PARVA: variants seen among roughly 807,000 people sequenced by gnomAD.
PARVA encodes the protein parvin alpha, also known as alpha-parvin.
In PARVA, 25 loss-of-function variants were observed where a neutral mutation model predicts 52.6. The observed-to-expected ratio is 0.48, with a 90% CI of 0.35 to 0.66. The LOEUF (loss-of-function observed/expected upper bound fraction) is 0.66. PARVA is among the 30% of genes least tolerant of loss of function. The pLI is 0.01. For synonymous variants in PARVA, 185 were observed against 179.1 expected (o/e 1.03, Z -0.26); for missense variants, 373 against 450.9 (o/e 0.83, Z 1.56).
At chr11:12,393,834 C>G (rs537659494) in intron 1 of PARVA, among the ~76,000 whole-genome samples, 3 of 152,280 alleles carry the variant, frequency 2.0e-5, no homozygotes, top group African/African-American at 7.2e-5. Flanking sequence ...CAGTCTGGCT[C>G]CAGAAGCTTG....
chr11:12,505,589 G>T (rs1340744728), intron 6 of PARVA, among the ~76,000 whole-genome samples: 1 of 152,208 alleles, frequency 6.6e-6, no homozygotes, highest in Non-Finnish European at 1.5e-5. Flanking sequence ...AAGAAGCAGA[G>T]AGGGCTCATA....
At position 12,532,116 on chromosome 11, in the gene PARVA, T is replaced by A. The variant is rs2135098809; in HGVS notation, c.*4191T>A. Among the ~76,000 whole-genome samples the A allele has an allele frequency of 6.6e-6, 1 of 152,348 alleles. No homozygotes were observed. Among genetic ancestry groups the A allele is most frequent in the East Asian group, 1.9e-4 (1 of 5,190 alleles). On this transcript the variant is annotated 3_prime_UTR_variant, in exon 13 of 13. Transcript: ENST00000334956. ...GAACGTGTGCATGCGTGTTCACGTGTTCATGACAACAGCAATGCAGCCATG... is the reference window on the plus strand; with the variant it reads ...GAACGTGTGCATGCGTGTTCACGTGATCATGACAACAGCAATGCAGCCATG...
intron 1 of PARVA, among the ~76,000 whole-genome samples, chr11:12,455,488 T>A (rs993025381): frequency 6.6e-6 from 1 of 152,172 alleles, no homozygotes; most frequent in African/African-American, 2.4e-5. Flanking sequence ...TTTTGATGTG[T>A]TTTGGTCCAT....
intron 10 of PARVA, among the ~76,000 whole-genome samples, chr11:12,516,980 A>T (rs957259615): frequency 4.6e-5 from 7 of 152,078 alleles, no homozygotes; most frequent in Non-Finnish European, 8.8e-5. Context: ...GAGAGATGGG[A>T]GAAAGAATGC....
At chr11:12,452,875 C>T (rs974152119) in intron 1 of PARVA, 9 of 363,980 alleles carry the variant, frequency 2.5e-5, no homozygotes, top group African/African-American at 1.3e-4. Context: ...GCATTCTCTT[C>T]GGGAAGCATT....
At position 12,532,296 on chromosome 11, in the gene PARVA, T is replaced by G. The variant is rs1321022377; in HGVS notation, c.*4371T>G. 6.6e-6 allele frequency among the ~76,000 whole-genome samples: 1 copy of G among 152,218 alleles called. No individual in the cohort carries two copies. Among genetic ancestry groups the G allele is most frequent in the Admixed American group, 6.5e-5 (1 of 15,280 alleles). On this transcript the variant is annotated 3_prime_UTR_variant, in exon 13 of 13. Coordinates refer to ENST00000334956, the MANE Select transcript of PARVA (RefSeq NM_018222.5). ...CACGTTTAAATATGTTTAGGAAACA[T>G]GAGGTGAAGAAAGTTAGCTTACTGA... is the stretch of plus-strand genomic sequence containing the variant.
At chr11:12,411,662 C>T (rs1003362801) in intron 1 of PARVA, among the ~76,000 whole-genome samples, 1 of 152,138 alleles carries the variant, frequency 6.6e-6, no homozygotes, top group Admixed American at 6.5e-5. Flanking sequence ...ATCTGATATT[C>T]TTCTCATGGT....
intron 1 of PARVA, among the ~76,000 whole-genome samples, chr11:12,434,116 T>G (rs779855594): frequency 5.9e-5 from 9 of 152,332 alleles, no homozygotes; most frequent in Non-Finnish European, 1.0e-4. Context: ...GCCTTAGGAC[T>G]TGTGTGCAGG....
At chr11:12,496,691 CT>C in intron 5 of PARVA, 93 bp downstream of exon 5, 1 of 1,258,780 alleles carries the variant, frequency 7.9e-7, no homozygotes, top group Non-Finnish European at 1.1e-6. Context: ...GCTTGGCAGG[CT>C]TCAGGGGAGG....
At chr11:12,497,898 G>A (rs1007278925) in intron 5 of PARVA, among the ~76,000 whole-genome samples, 2 of 152,132 alleles carry the variant, frequency 1.3e-5, no homozygotes, top group African/African-American at 4.8e-5. Flanking sequence ...GTTTAGTTTG[G>A]TTTGATCCTA....
At chr11:12,438,335 T>C (rs563299117) in intron 1 of PARVA, among the ~76,000 whole-genome samples, 3 of 151,836 alleles carry the variant, frequency 2.0e-5, no homozygotes, top group South Asian at 2.1e-4. Flanking sequence ...AAGTACAAGA[T>C]TGAGGGGCTT....
chr11:12,404,956 G>A (rs1282444034), intron 1 of PARVA, among the ~76,000 whole-genome samples: 1 of 152,204 alleles, frequency 6.6e-6, no homozygotes, highest in Non-Finnish European at 1.5e-5. Flanking sequence ...ATTCACATGT[G>A]TCTAGTTTTA....
At chr11:12,501,768 A>C (rs1303028591) in intron 5 of PARVA, among the ~76,000 whole-genome samples, 1 of 152,238 alleles carries the variant, frequency 6.6e-6, no homozygotes, top group Non-Finnish European at 1.5e-5. Context: ...TTTCTAAAAA[A>C]AATCCCAGGA....
At chr11:12,505,085 G>C (rs1026669732) in intron 6 of PARVA, among the ~76,000 whole-genome samples, 1 of 152,136 alleles carries the variant, frequency 6.6e-6, no homozygotes, top group African/African-American at 2.4e-5. Flanking sequence ...ATGAGGGTGT[G>C]CTCTCTCCCT....
chr11:12,437,850 G>A (rs937753226), intron 1 of PARVA, among the ~76,000 whole-genome samples: 8 of 152,156 alleles, frequency 5.3e-5, no homozygotes, highest in Admixed American at 1.3e-4. Flanking sequence ...CATTCACCCC[G>A]TGACTTTGTA....
rs977670699 is a variant in PARVA at position 12,534,779 on chromosome 11, C to G, written c.*6854C>G. On this transcript the variant is annotated 3_prime_UTR_variant, in exon 13 of 13. Coordinates refer to ENST00000334956, the MANE Select transcript of PARVA (RefSeq NM_018222.5). ...GGCTGCTATGTGTCTTCCTGGAAACCCTGTCAAAGGCCTTACCGCCTGCCT... is the reference window on the plus strand; with the variant it reads ...GGCTGCTATGTGTCTTCCTGGAAACGCTGTCAAAGGCCTTACCGCCTGCCT... Among the ~76,000 whole-genome samples, 2 of 152,204 alleles carry G rather than the reference C, an allele frequency of 1.3e-5. No homozygotes were observed. Among genetic ancestry groups the G allele is most frequent in the Non-Finnish European group, 2.9e-5 (2 of 68,044 alleles).
At chr11:12,394,330 C>A (rs1354964508) in intron 1 of PARVA, among the ~76,000 whole-genome samples, 1 of 152,112 alleles carries the variant, frequency 6.6e-6, no homozygotes, top group East Asian at 1.9e-4. Context: ...TGTTTTGAAT[C>A]CTGCTTCAAA....
chr11:12,504,544 T>C, intron 6 of PARVA, 115 bp downstream of exon 6: 1 of 682,478 alleles, frequency 1.5e-6, no homozygotes, highest in Non-Finnish European at 2.7e-6. Flanking sequence ...TGAGTGAGCC[T>C]GGGTGTGCAG....
At chr11:12,523,793 G>A (rs113675148) in intron 12 of PARVA, among the ~76,000 whole-genome samples, 1 of 152,214 alleles carries the variant, frequency 6.6e-6, no homozygotes, top group Admixed American at 6.5e-5. Context: ...CCAGCACACA[G>A]AGGCTATCAG....
Sources: gnomAD v4.1 joint callset for allele counts (sites outside exome capture counted in the v4.1 genomes callset) on GRCh38, gnomAD v4.1.1 for gene constraint, MANE v1.5 for transcripts, NCBI Gene and HGNC (gene_info 2026-07-23, HGNC 2026-07-21) for gene names.